Variants in LSAMP observed in about 807,000 individuals in gnomAD.
The protein encoded by LSAMP is limbic system-associated membrane protein.
In LSAMP, 7 loss-of-function variants were observed where a neutral mutation model predicts 38.6. That is an observed-to-expected ratio of 0.18 (90% CI 0.10 to 0.34). The LOEUF is 0.34. Ranked by LOEUF, LSAMP falls within the 10% of genes least tolerant of loss-of-function variation. The pLI is 1.00. For synonymous variants in LSAMP, 154 were observed against 166.8 expected (o/e 0.92, Z 0.59); for missense variants, 313 against 420.0 (o/e 0.75, Z 2.23).
chr3:116,079,545 C>T (rs540931419), intron 2 of LSAMP, among the ~76,000 whole-genome samples: 133 of 146,992 alleles, frequency 9.0e-4, no homozygotes, highest in Middle Eastern at 3.5e-3. Flanking sequence ...CCCAGCTACT[C>T]GGGAGGCTGA....
chr3:116,129,185 T>C (rs1709071805), intron 1 of LSAMP, among the ~76,000 whole-genome samples: 1 of 152,136 alleles, frequency 6.6e-6, no homozygotes, highest in South Asian at 2.1e-4. Context: ...TTTTATTTGG[T>C]AATATAGAGG....
At chr3:116,409,794 C>T (rs1010777736) in intron 1 of LSAMP, among the ~76,000 whole-genome samples, 10 of 152,038 alleles carry the variant, frequency 6.6e-5, no homozygotes, top group African/African-American at 2.4e-4. Flanking sequence ...AAATAGCAGA[C>T]ATACGTCTAA....
At chr3:116,366,063 C>G (rs1435219018) in intron 1 of LSAMP, among the ~76,000 whole-genome samples, 1 of 75,242 alleles carries the variant, frequency 1.3e-5, no homozygotes, top group African/African-American at 4.8e-5. Flanking sequence ...GCAAAAGAAA[C>G]TATCATCAGA....
chr3:115,935,704 T>G (rs1414620515), intron 3 of LSAMP, among the ~76,000 whole-genome samples: 1 of 152,132 alleles, frequency 6.6e-6, no homozygotes, highest in Non-Finnish European at 1.5e-5. Flanking sequence ...AGTGGCAGGA[T>G]GGGGGTATGT....
chr3:116,358,378 T>C (rs2048254031), intron 1 of LSAMP, among the ~76,000 whole-genome samples: 1 of 152,144 alleles, frequency 6.6e-6, no homozygotes. Context: ...AGTTTGAGGA[T>C]ATATGGATAT....
At chr3:115,813,137 C>T (rs1933893730) in intron 6 of LSAMP, among the ~76,000 whole-genome samples, 1 of 151,958 alleles carries the variant, frequency 6.6e-6, no homozygotes, top group Admixed American at 6.6e-5. Context: ...CTCAGTATAA[C>T]TATGTTAATA....
chr3:116,259,112 G>C (rs748114404), intron 1 of LSAMP, among the ~76,000 whole-genome samples: 3 of 152,064 alleles, frequency 2.0e-5, no homozygotes, highest in Non-Finnish European at 4.4e-5. Flanking sequence ...TCAGTAATTA[G>C]AACAGGAGAA....
At chr3:115,871,582 A>AGTGTGTGTGTGT (rs59830926) in intron 3 of LSAMP, among the ~76,000 whole-genome samples, 7 of 144,928 alleles carry the variant, frequency 4.8e-5, no homozygotes, top group African/African-American at 1.5e-4. Flanking sequence ...ACCAACGTGT[A>AGTGTGTGTGTGT]GTGTGTGTGT....
At chr3:116,034,164 ACAGT>A (rs1449741769) in intron 2 of LSAMP, among the ~76,000 whole-genome samples, 1 of 152,130 alleles carries the variant, frequency 6.6e-6, no homozygotes, top group Non-Finnish European at 1.5e-5. Flanking sequence ...GCACATTGGC[ACAGT>A]CAGTTAAGGT....
chr3:116,055,108 A>T (rs185850392), intron 2 of LSAMP, among the ~76,000 whole-genome samples: 2 of 152,320 alleles, frequency 1.3e-5, no homozygotes, highest in South Asian at 2.1e-4. Context: ...AATACACATT[A>T]TCACACCTCA....
intron 1 of LSAMP, among the ~76,000 whole-genome samples, chr3:116,280,020 G>T (rs2107680749): frequency 6.6e-6 from 1 of 151,922 alleles, no homozygotes; most frequent in African/African-American, 2.4e-5. Context: ...ATTTACATGG[G>T]ATTATTCACA....
intron 6 of LSAMP, among the ~76,000 whole-genome samples, chr3:115,818,822 A>ATATATATATATATATATATAT (rs55828725): frequency 4.3e-3 from 538 of 124,820 alleles, no homozygotes; most frequent in Non-Finnish European, 6.3e-3. Context: ...ATATATATAT[A>ATATATATATATATATATATAT]ACTGCAGCAA....
rs1709122670 is a variant in LSAMP at position 116,131,122 on chromosome 3, C to G, written c.156-44566G>C. 2.0e-5 allele frequency among the ~76,000 whole-genome samples: 3 copies of G among 151,770 alleles called. No individual in the cohort carries two copies. The South Asian group carries it at 6.3e-4, about 32-fold the overall frequency. ...TCTCCTGCCTCAGCCTCCCAAGTAA[C>G]TGGGACTACAGGCGCCCTCCACCTC... On this transcript the variant is annotated intron_variant, in intron 1 of 6. Coordinates refer to ENST00000490035, the MANE Select transcript of LSAMP (RefSeq NM_002338.5).
intron 1 of LSAMP, among the ~76,000 whole-genome samples, chr3:116,105,190 A>AC (rs1553704182): frequency 3.1e-4 from 47 of 151,860 alleles, no homozygotes; most frequent in African/African-American, 1.0e-3. Flanking sequence ...AAAAAAAAAA[A>AC]CTGCCACAGC....
intron 3 of LSAMP, among the ~76,000 whole-genome samples, chr3:115,863,667 G>A (rs1009920166): frequency 6.6e-5 from 10 of 151,748 alleles, no homozygotes; most frequent in Non-Finnish European, 8.8e-5. Context: ...AGAAGTGTGC[G>A]GTTAGGGAAC....
intron 3 of LSAMP, among the ~76,000 whole-genome samples, chr3:115,939,967 T>C (rs1159864284): frequency 6.6e-6 from 1 of 152,102 alleles, no homozygotes; most frequent in Non-Finnish European, 1.5e-5. Flanking sequence ...CTCTTAAAGA[T>C]GGTGTGTCCA....
At position 116,241,548 on chromosome 3, in the gene LSAMP, A is replaced by G. The variant is rs1267034192; in HGVS notation, c.156-154992T>C. Among the ~76,000 whole-genome samples the G allele has an allele frequency of 2.0e-5, 3 of 152,312 alleles. No homozygotes were observed. In the East Asian group the frequency reaches 5.8e-4, roughly 29 times the overall value. On this transcript the variant is annotated intron_variant, in intron 1 of 6. Coordinates refer to ENST00000490035, the MANE Select transcript of LSAMP (RefSeq NM_002338.5). The stretch of plus-strand genomic sequence containing the variant: ...GCCACTGCACTCTAGCCTGGGCAAC[A>G]GAGTGAGATTCTGTCTAAAAAACAG...
chr3:116,441,785 C>T lies in LSAMP; in HGVS notation c.155+3092G>A, dbSNP rs190787639. On this transcript the variant is annotated intron_variant, in intron 1 of 6. Coordinates refer to ENST00000490035, the MANE Select transcript of LSAMP (RefSeq NM_002338.5). ...GTCCTGCGGATAAGCGTGTCTCACT[C>T]TTTCCTGTACACACAAATATAAATG... is the stretch of plus-strand genomic sequence containing the variant. Among the ~76,000 whole-genome samples the T allele has an allele frequency of 6.0e-3, 921 of 152,342 alleles. 12 individuals are homozygous for T. The highest frequency in any genetic ancestry group is 5.8e-3 in the Non-Finnish European group (394 of 68,038).
At chr3:116,150,775 C>T (rs1048120689) in intron 1 of LSAMP, among the ~76,000 whole-genome samples, 1 of 151,850 alleles carries the variant, frequency 6.6e-6, no homozygotes, top group Non-Finnish European at 1.5e-5. Flanking sequence ...ATGTTAGAAG[C>T]AAGTTTTAAA....
Sources: gnomAD v4.1 joint callset for allele counts (sites outside exome capture counted in the v4.1 genomes callset) on GRCh38, gnomAD v4.1.1 for gene constraint, MANE v1.5 for transcripts, NCBI Gene and HGNC (gene_info 2026-07-23, HGNC 2026-07-21) for gene names.